Variants in MTR observed in about 807,000 individuals in gnomAD.
The protein encoded by MTR is 5-methyltetrahydrofolate-homocysteine methyltransferase, also known as methionine synthase.
In MTR, 84 loss-of-function variants were observed where a neutral mutation model predicts 154.8. The observed-to-expected ratio is 0.54, with a 90% CI of 0.45 to 0.65. The LOEUF is 0.65. Ranked by LOEUF, MTR falls within the 30% of genes least tolerant of loss-of-function variation. The pLI, the probability that MTR is intolerant of heterozygous loss-of-function variation, is 0.00. For missense variants in MTR, 1,275 were observed against 1,570.2 expected, an observed-to-expected ratio of 0.81 and a Z score of 3.18; for synonymous variants, 554 against 553.9, an observed-to-expected ratio of 1.00 and a Z score of 0.00.
rs74146663 is a variant in MTR, at chr1:236,903,863, T to C, written c.*6219T>C. ...GCTTACCTTTAATCATGTGACATTG[T>C]TTATCTTGGATTAAAAGAAAAGAAA... On this transcript the variant is annotated 3_prime_UTR_variant, in exon 33 of 33. Coordinates refer to ENST00000366577, the MANE Select transcript of MTR (RefSeq NM_000254.3). 149 of 152,344 alleles carry C rather than the reference T, an allele frequency of 9.8e-4. 1 individual carries two copies. The highest frequency in any genetic ancestry group is 3.5e-3 in the African/African-American group (146 of 41,584). The allele number at this position is 152,344 out of a possible 1,614,324, so 9.4% of individuals were successfully genotyped here.
At chr1:236,815,745 T>G in intron 7 of MTR, 82 bp downstream of exon 7, 1 of 1,334,478 alleles carries the variant, frequency 7.5e-7, no homozygotes, top group East Asian at 2.3e-5. Flanking sequence ...CTTTGCATAG[T>G]AGAACTATTA....
chr1:236,859,742 A>G, intron 18 of MTR, 91 bp from the exon 19 acceptor site: 2 of 996,072 alleles, frequency 2.0e-6, no homozygotes, highest in East Asian at 2.4e-5. Flanking sequence ...AGAATAAGAC[A>G]CAGGTTTTTT....
At chr1:236,847,949 A>T (rs1663680380) in intron 15 of MTR, among the ~76,000 whole-genome samples, 1 of 152,222 alleles carries the variant, frequency 6.6e-6, no homozygotes, top group South Asian at 2.1e-4. Context: ...AGTAAGACAG[A>T]AGCTTGGTGA....
intron 21 of MTR, 128 bp from the exon 22 acceptor site, chr1:236,863,326 G>C: frequency 1.3e-6 from 1 of 791,162 alleles, no homozygotes; most frequent in South Asian, 1.5e-5. Flanking sequence ...TCGGTTTCCA[G>C]GTCTGTCTTT....
At chr1:236,896,280 G>A (rs765318275) in intron 31 of MTR, among the ~76,000 whole-genome samples, 4 of 152,098 alleles carry the variant, frequency 2.6e-5, no homozygotes, top group Admixed American at 6.5e-5. Context: ...AGTTTTCAGC[G>A]GAATTAATAA....
intron 18 of MTR, among the ~76,000 whole-genome samples, chr1:236,854,603 C>T (rs1035891237): frequency 2.0e-5 from 3 of 152,096 alleles, no homozygotes; most frequent in Admixed American, 2.0e-4. Context: ...GCATCATAGC[C>T]TCTATTGCCA....
chr1:236,880,648 T>C, intron 24 of MTR, 107 bp from the exon 25 acceptor site: 1 of 923,728 alleles, frequency 1.1e-6, no homozygotes. Flanking sequence ...GAAATGTTTC[T>C]CTGGAAAGCA....
chr1:236,863,951 AC>A (rs781504345), intron 22 of MTR, among the ~76,000 whole-genome samples: 20 of 151,946 alleles, frequency 1.3e-4, no homozygotes, highest in Non-Finnish European at 2.2e-4. Context: ...ATCTTATGAG[AC>A]CTTGGCTAAA....
At position 236,894,456 on chromosome 1, in the gene MTR, G is replaced by A. The variant is rs757267455; in HGVS notation, c.3304G>A (p.Val1102Ile). 1.1e-5 allele frequency: 18 copies of A among 1,614,036 alleles called. No individual in the cohort carries two copies. Among genetic ancestry groups the A allele is most frequent in the East Asian group, 6.7e-5 (3 of 44,894 alleles). Reference sequence around the variant, plus strand: ...CCGTGACTACCTGGGCCTGTTTGCCGTTGCCTGCTTTGGGGTAGAAGAGCT... The same window carrying A: ...CCGTGACTACCTGGGCCTGTTTGCCATTGCCTGCTTTGGGGTAGAAGAGCT... ...GIRDYLGLFA[V>I]ACFGVEELSK... The change falls in exon 30 of 33, where the codon GTT becomes ATT. Residue 1102 changes from valine (V) to isoleucine (I), a missense_variant. Val to Ile is a conservative substitution (Grantham distance 29). Coordinates refer to ENST00000366577, the MANE Select transcript of MTR (RefSeq NM_000254.3).
intron 19 of MTR, 34 bp from the exon 20 acceptor site, chr1:236,861,091 C>CTTTTTT: frequency 7.1e-7 from 1 of 1,415,836 alleles, no homozygotes; most frequent in South Asian, 1.4e-5. Flanking sequence ...TTCTTTCTTT[C>CTTTTTT]TTTTTCTTTT....
At chr1:236,801,800 G>A (rs1425256081) in intron 1 of MTR, among the ~76,000 whole-genome samples, 1 of 152,180 alleles carries the variant, frequency 6.6e-6, no homozygotes, top group Non-Finnish European at 1.5e-5. Context: ...ATATGCTATA[G>A]GGAGTTGTTG....
At chr1:236,810,813 T>C (rs1661259746) in intron 5 of MTR, among the ~76,000 whole-genome samples, 1 of 152,184 alleles carries the variant, frequency 6.6e-6, no homozygotes, top group South Asian at 2.1e-4. Flanking sequence ...CTTTCAAATA[T>C]ATATGGTGGT....
chr1:236,830,586 A>C lies in MTR; in HGVS notation c.1075+1318A>C, dbSNP rs74917097. Among the ~76,000 whole-genome samples, 104 of 152,284 alleles carry C rather than the reference A, an allele frequency of 6.8e-4. 1 individual carries two copies. The highest frequency in any genetic ancestry group is 2.5e-3 in the African/African-American group (103 of 41,552). ...AAATCACAAACTTGAGAGAAGTGTGATCTTTGTATCAAGTACTTCACATTC... is the reference window on the plus strand; with the variant it reads ...AAATCACAAACTTGAGAGAAGTGTGCTCTTTGTATCAAGTACTTCACATTC... On this transcript the variant is annotated intron_variant, in intron 12 of 32. Coordinates refer to ENST00000366577, the MANE Select transcript of MTR (RefSeq NM_000254.3).
At chr1:236,884,276 G>A (rs774957549) in intron 25 of MTR, among the ~76,000 whole-genome samples, 1 of 152,144 alleles carries the variant, frequency 6.6e-6, no homozygotes, top group South Asian at 2.1e-4. Flanking sequence ...GCTCTCATAG[G>A]GCTTTCTAGT....
chr1:236,889,651 T>C (rs1316990973), intron 28 of MTR, among the ~76,000 whole-genome samples: 2 of 152,190 alleles, frequency 1.3e-5, no homozygotes, highest in Admixed American at 6.5e-5. Flanking sequence ...CATCCAATAG[T>C]AATGGGCCCT....
chr1:236,822,075 C>T (rs1275607688), intron 8 of MTR, among the ~76,000 whole-genome samples: 1 of 151,976 alleles, frequency 6.6e-6, no homozygotes, highest in Non-Finnish European at 1.5e-5. Context: ...AGAATCAGTT[C>T]GTTGATATTC....
rs939481064 is a variant in MTR, at chr1:236,903,747, C to T, written c.*6103C>T. 1 of 152,196 alleles carries T rather than the reference C, an allele frequency of 6.6e-6. No homozygotes were observed. Among genetic ancestry groups the T allele is most frequent in the South Asian group, 2.1e-4 (1 of 4,832 alleles). 9.4% of individuals were successfully genotyped at this position (152,196 alleles called of 1,614,324 possible). On this transcript the variant is annotated 3_prime_UTR_variant, in exon 33 of 33. Transcript: ENST00000366577. ...CAGCAGGTGAGGAAGGAACTCTGAA[C>T]TCTCACAATCTTGTTTCTTCATTTC...
chr1:236,879,096 A>G (rs899976562), intron 24 of MTR, among the ~76,000 whole-genome samples: 1 of 152,238 alleles, frequency 6.6e-6, no homozygotes, highest in Admixed American at 6.5e-5. Context: ...ACACTCATGC[A>G]TATATTACAC....
intron 24 of MTR, among the ~76,000 whole-genome samples, chr1:236,875,511 G>T (rs1414609002): frequency 2.0e-5 from 3 of 152,170 alleles, no homozygotes; most frequent in Non-Finnish European, 4.4e-5. Flanking sequence ...CGTTAACTGT[G>T]GGTACTAGAC....
Sources: gnomAD v4.1 joint callset for allele counts (sites outside exome capture counted in the v4.1 genomes callset) on GRCh38, gnomAD v4.1.1 for gene constraint, MANE v1.5 for transcripts, NCBI Gene and HGNC (gene_info 2026-07-23, HGNC 2026-07-21) for gene names.